The following TEX2 variants were observed in gnomAD, a reference collection of about 807,000 sequenced individuals.
TEX2 encodes testis-expressed protein 2.
Under a neutral mutation model 106.9 loss-of-function variants are expected in TEX2, and 53 were observed. That is an observed-to-expected ratio of 0.50 (90% CI 0.40 to 0.62). The LOEUF is 0.62. TEX2 is among the 20% of genes least tolerant of loss of function. The pLI is 0.00. For synonymous variants in TEX2, 523 were observed against 534.8 expected, an observed-to-expected ratio of 0.98 and a Z score of 0.30; for missense variants, 1,207 against 1,379.0, an observed-to-expected ratio of 0.88 and a Z score of 1.98.
chr17:64,211,843 AT>A (rs782735535), intron 2 of TEX2, among the ~76,000 whole-genome samples: 27 of 152,350 alleles, frequency 1.8e-4, no homozygotes, highest in Non-Finnish European at 4.4e-5. Context: ...ATGCAAAAAA[AT>A]AATAATAAAT....
intron 5 of TEX2, among the ~76,000 whole-genome samples, chr17:64,186,958 C>A (rs2032099081): frequency 6.6e-6 from 1 of 152,184 alleles, no homozygotes; most frequent in Admixed American, 6.5e-5. Context: ...AATAACCCAG[C>A]AAAATAGTCT....
In TEX2 at chr17:64,213,530, A is replaced by C; in HGVS notation, c.688T>G (p.Ser230Ala). The change falls in exon 2 of 12, where the codon TCG becomes GCG. Residue 230 changes from serine (S) to alanine (A), a missense_variant. Coordinates refer to ENST00000584379, the MANE Select transcript of TEX2 (RefSeq NM_001288732.2). This position sits in a 1 kb window ranked among gnomAD's most constrained non-coding sequence, Gnocchi z 4.4. ...SLSTDTSRQESDTVSYKPPDS... is the reference protein window; with the variant it reads ...SLSTDTSRQEADTVSYKPPDS... The stretch of plus-strand genomic sequence containing the variant: ...GGTGGCTTATAGGACACTGTATCCG[A>C]CTCCTGCCGGGAAGTGTCCGTGGAC... 6.2e-7 allele frequency: 1 copy of C among 1,613,672 alleles called. No homozygotes were observed.
chr17:64,253,329 CTTTCTTTT>C (rs782508464), intron 1 of TEX2, among the ~76,000 whole-genome samples: 1 of 142,304 alleles, frequency 7.0e-6, no homozygotes. Flanking sequence ...TTCTTTCTTT[CTTTCTTTT>C]TTTTTTTTTT....
chr17:64,207,770 C>CT (rs1228534094), intron 2 of TEX2, among the ~76,000 whole-genome samples: 1 of 151,070 alleles, frequency 6.6e-6, no homozygotes, highest in Non-Finnish European at 1.5e-5. Context: ...GAGTCTCGCT[C>CT]TGTCACTCAG....
intron 1 of TEX2, chr17:64,239,013 A>C (rs2033828722): frequency 6.6e-6 from 1 of 152,228 alleles, no homozygotes; most frequent in Non-Finnish European, 1.5e-5. Context: ...CCCTCATTTA[A>C]TCTTCATGGC....
chr17:64,230,775 A>G lies in TEX2; in HGVS notation c.-25-16533T>C, dbSNP rs181741357. ...CATTGTCTTCAAGGAATTTTCCAGA[A>G]GGCTCTAAATTCTAAGAGTCTATGA... is the stretch of plus-strand genomic sequence containing the variant. On this transcript the variant is annotated intron_variant, in intron 1 of 11. Coordinates refer to ENST00000584379, the MANE Select transcript of TEX2 (RefSeq NM_001288732.2). 2.8e-4 allele frequency: 42 copies of G among 152,306 alleles called. 1 individual carries two copies. In the East Asian group the frequency reaches 7.0e-3, roughly 25 times the overall value. 9.4% of individuals were successfully genotyped at this position (152,306 alleles called of 1,614,324 possible). A position where few individuals can be genotyped will look rare whatever the true frequency, so the allele number is the denominator to read the frequency against.
chr17:64,239,253 T>G (rs1370101431), intron 1 of TEX2: 1 of 152,236 alleles, frequency 6.6e-6, no homozygotes, highest in African/African-American at 2.4e-5. Flanking sequence ...TCCAAGTTTT[T>G]TCTGTTATTA....
chr17:64,249,613 C>T (rs1461089555), intron 1 of TEX2, among the ~76,000 whole-genome samples: 3 of 152,168 alleles, frequency 2.0e-5, no homozygotes, highest in Non-Finnish European at 4.4e-5. Flanking sequence ...GATCTCTTAA[C>T]CATCCACCCC....
chr17:64,238,739 CCATGA>C (rs1434853286), intron 1 of TEX2, among the ~76,000 whole-genome samples: 1 of 152,282 alleles, frequency 6.6e-6, no homozygotes, highest in East Asian at 1.9e-4. Context: ...CAGGTCCCTC[CCATGA>C]CATGTGGGGA....
At chr17:64,254,888 G>T (rs992694970) in intron 1 of TEX2, among the ~76,000 whole-genome samples, 1 of 152,084 alleles carries the variant, frequency 6.6e-6, no homozygotes, top group East Asian at 1.9e-4. Flanking sequence ...TAGATACAGG[G>T]TCTTATTCTG....
At chr17:64,242,623 G>C (rs888066679) in intron 1 of TEX2, among the ~76,000 whole-genome samples, 1 of 152,036 alleles carries the variant, frequency 6.6e-6, no homozygotes, top group Non-Finnish European at 1.5e-5. Context: ...GCCTGCCTCT[G>C]AACCAGAATC....
chr17:64,151,189 T>A (rs139096516), intron 10 of TEX2, among the ~76,000 whole-genome samples: 5 of 152,322 alleles, frequency 3.3e-5, no homozygotes, highest in African/African-American at 1.2e-4. Flanking sequence ...TCTGACAAAC[T>A]GAGAGAGCCA....
intron 1 of TEX2, among the ~76,000 whole-genome samples, chr17:64,238,106 C>G (rs1326002753): frequency 3.3e-5 from 5 of 152,044 alleles, no homozygotes; most frequent in Non-Finnish European, 5.9e-5. Flanking sequence ...TCGAGACCAG[C>G]CTGGCCAACA....
At position 64,212,973 on chromosome 17, in the gene TEX2, AT is replaced by A. The variant is rs782672753; in HGVS notation, c.1244del (p.Asp415ValfsTer59). 5 of 1,614,244 alleles carry A rather than the reference AT, an allele frequency of 3.1e-6. No individual in the cohort carries two copies. Among genetic ancestry groups the A allele is most frequent in the Non-Finnish European group, 4.2e-6 (5 of 1,180,040 alleles). ...CSLSALVSKE[D>X]EEFCELYTED... ...CAGTGTACAGTTCACAAAACTCTTC[AT>A]CTTCTTTGCTCACTAAGGCAGACAA... On this transcript the variant is annotated frameshift_variant, in exon 2 of 12. Coordinates refer to ENST00000584379, the MANE Select transcript of TEX2 (RefSeq NM_001288732.2). LOFTEE classifies it high-confidence loss of function.
rs1410857593 is a variant in TEX2, at chr17:64,212,471, C to T, written c.1644+103G>A. 18 of 1,096,466 alleles carry T rather than the reference C, an allele frequency of 1.6e-5. No individual in the cohort carries two copies. In the South Asian group the frequency reaches 2.6e-4, roughly 16 times the overall value. 67.9% of individuals were successfully genotyped at this position (1,096,466 alleles called of 1,614,324 possible). On this transcript the variant is annotated intron_variant, in intron 2 of 11. Transcript: ENST00000584379. ...GCCCCAAGCTCTTAAAAAACACGGC[C>T]TGTGCAAAAATCTTTAACAGCTAAC...
intron 8 of TEX2, 78 bp from the exon 9 acceptor site, chr17:64,155,045 A>G: frequency 2.8e-6 from 4 of 1,431,266 alleles, no homozygotes; most frequent in Non-Finnish European, 3.7e-6. Context: ...ACACCCATGC[A>G]CACACACTCA....
intron 5 of TEX2, among the ~76,000 whole-genome samples, chr17:64,187,056 C>G (rs896147741): frequency 9.2e-5 from 14 of 152,184 alleles, no homozygotes; most frequent in Admixed American, 4.6e-4. Context: ...CTAACTTCAT[C>G]AAGCCTCAGT....
chr17:64,232,298 T>A (rs2033676339), intron 1 of TEX2, among the ~76,000 whole-genome samples: 3 of 152,184 alleles, frequency 2.0e-5, no homozygotes. Flanking sequence ...AAATGAGAGC[T>A]GTGGATAAGA....
intron 1 of TEX2, among the ~76,000 whole-genome samples, chr17:64,218,405 CTTTTTTTTTTTTTTTTT>C (rs10526886): frequency 9.9e-5 from 12 of 120,634 alleles, no homozygotes; most frequent in African/African-American, 4.3e-4. Flanking sequence ...GACACTTTCA[CTTTTTTTTTTTTTTTTT>C]TTTTTTTTTT....
Sources: gnomAD v4.1 joint callset for allele counts (sites outside exome capture counted in the v4.1 genomes callset) on GRCh38, gnomAD v4.1.1 for gene constraint, Gnocchi (gnomAD v3.1) non-coding constraint, MANE v1.5 for transcripts, NCBI Gene and HGNC (gene_info 2026-07-23, HGNC 2026-07-21) for gene names.